Variants in PPP2R2B observed in about 807,000 individuals in gnomAD.
PPP2R2B encodes the protein serine/threonine-protein phosphatase 2A 55 kDa regulatory subunit B beta isoform.
Under a neutral mutation model 46.0 loss-of-function variants are expected in PPP2R2B, and 5 were observed. The ratio of observed to expected loss-of-function variants is 0.11; its 90% CI spans 0.06 to 0.23. The LOEUF (loss-of-function observed/expected upper bound fraction) is 0.23, where lower values mean the gene tolerates loss of function less well. Among genes scored for constraint, PPP2R2B ranks in the 10% least tolerant of loss-of-function variants. PPP2R2B has a pLI of 1.00. For synonymous variants in PPP2R2B, 215 were observed against 206.7 expected, an observed-to-expected ratio of 1.04 and a Z score of -0.34; for missense variants, 367 against 575.0, an observed-to-expected ratio of 0.64 and a Z score of 3.70.
At chr5:146,945,274 A>G (rs1053564874) in intron 1 of PPP2R2B, among the ~76,000 whole-genome samples, 4 of 152,210 alleles carry the variant, frequency 2.6e-5, no homozygotes, top group Non-Finnish European at 4.4e-5. Flanking sequence ...TCAAAATTTA[A>G]GTCCACTTTT....
At chr5:146,977,655 C>A (rs373163398) in intron 1 of PPP2R2B, among the ~76,000 whole-genome samples, 2 of 151,974 alleles carry the variant, frequency 1.3e-5, no homozygotes, top group Non-Finnish European at 2.9e-5. Flanking sequence ...GTTAGTTTGC[C>A]GAGAATGATG....
intron 2 of PPP2R2B, among the ~76,000 whole-genome samples, chr5:146,790,827 G>A (rs1325233377): frequency 6.6e-6 from 1 of 152,192 alleles, no homozygotes; most frequent in Admixed American, 6.5e-5. Context: ...TTGAAGAGAG[G>A]AGGAAGAAAG....
At chr5:146,708,719 T>C (rs1305396776) in intron 2 of PPP2R2B, among the ~76,000 whole-genome samples, 1 of 152,212 alleles carries the variant, frequency 6.6e-6, no homozygotes, top group East Asian at 1.9e-4. Context: ...ATTTTCTTAG[T>C]ACACAGAGTC....
intron 7 of PPP2R2B, among the ~76,000 whole-genome samples, chr5:146,626,647 C>T (rs1011776523): frequency 6.6e-6 from 1 of 152,122 alleles, no homozygotes; most frequent in Admixed American, 6.5e-5. Context: ...TAGCTTGTTA[C>T]AGGGCATGAC....
chr5:146,808,743 T>G (rs991121076), intron 2 of PPP2R2B, among the ~76,000 whole-genome samples: 1 of 152,164 alleles, frequency 6.6e-6, no homozygotes, highest in Non-Finnish European at 1.5e-5. Flanking sequence ...CTCTCTGAAA[T>G]AAAACAGAAT....
chr5:146,951,764 T>G (rs1414451214), intron 1 of PPP2R2B, among the ~76,000 whole-genome samples: 2 of 152,078 alleles, frequency 1.3e-5, no homozygotes, highest in African/African-American at 4.8e-5. Context: ...CTACCACTGA[T>G]GGGCATTTGG....
chr5:146,615,155 T>G (rs1176387554), intron 7 of PPP2R2B, among the ~76,000 whole-genome samples: 2 of 52,848 alleles, frequency 3.8e-5, no homozygotes, highest in Non-Finnish European at 6.2e-5. Context: ...ATATACACCA[T>G]GGAATACTAT....
At chr5:146,959,528 T>C (rs958062858) in intron 1 of PPP2R2B, among the ~76,000 whole-genome samples, 3 of 152,154 alleles carry the variant, frequency 2.0e-5, no homozygotes, top group Non-Finnish European at 4.4e-5. Flanking sequence ...CAAATATTTA[T>C]ATATGCATGC....
intron 2 of PPP2R2B, among the ~76,000 whole-genome samples, chr5:146,707,841 A>G (rs1366985632): frequency 6.6e-6 from 1 of 152,080 alleles, no homozygotes; most frequent in African/African-American, 2.4e-5. Context: ...TCTATAGACA[A>G]AAGTTTATCA....
At chr5:146,809,205 G>A (rs975701144) in intron 2 of PPP2R2B, among the ~76,000 whole-genome samples, 7 of 152,250 alleles carry the variant, frequency 4.6e-5, no homozygotes, top group Admixed American at 3.9e-4. Flanking sequence ...TGGCCGTCAG[G>A]CTTTCTGCTT....
chr5:146,790,187 T>C (rs1042002637), intron 2 of PPP2R2B, among the ~76,000 whole-genome samples: 3 of 152,250 alleles, frequency 2.0e-5, no homozygotes, highest in South Asian at 4.2e-4. Context: ...GCACAGTGGG[T>C]CACTGGTTTT....
intron 1 of PPP2R2B, among the ~76,000 whole-genome samples, chr5:146,945,739 G>A (rs1764459537): frequency 1.3e-5 from 2 of 152,164 alleles, no homozygotes; most frequent in Admixed American, 6.5e-5. Flanking sequence ...GTTTTATATT[G>A]TGTGCACATA....
At chr5:146,785,135 A>G (rs1755755253) in intron 2 of PPP2R2B, among the ~76,000 whole-genome samples, 1 of 152,220 alleles carries the variant, frequency 6.6e-6, no homozygotes, top group Non-Finnish European at 1.5e-5. Context: ...CAACCTTAAT[A>G]GTGGTTACAA....
At position 146,723,907 on chromosome 5, in the gene PPP2R2B, C is replaced by T. The variant is rs183171284; in HGVS notation, c.71-22765G>A. ...AACAAATCCACAAATCTCATTAATCCCTTTTTTCTCTGAACCTTTGACTAT... is the reference window on the plus strand; with the variant it reads ...AACAAATCCACAAATCTCATTAATCTCTTTTTTCTCTGAACCTTTGACTAT... On this transcript the variant is annotated intron_variant, in intron 2 of 9. Transcript: ENST00000394411. Among the ~76,000 whole-genome samples, 545 of 152,218 alleles carry T rather than the reference C, an allele frequency of 3.6e-3. 2 individuals are homozygous for T. Among genetic ancestry groups the T allele is most frequent in the Admixed American group, 6.9e-3 (106 of 15,292 alleles).
chr5:147,078,040 G>A (rs1757842087), intron 2 of PPP2R2B, among the ~76,000 whole-genome samples: 3 of 152,110 alleles, frequency 2.0e-5, no homozygotes, highest in Admixed American at 6.5e-5. Context: ...TTTGAAAACT[G>A]TCTCACCCAT....
intron 5 of PPP2R2B, among the ~76,000 whole-genome samples, chr5:146,687,622 TA>T (rs1298623599): frequency 1.3e-5 from 2 of 152,188 alleles, no homozygotes; most frequent in African/African-American, 4.8e-5. Flanking sequence ...GCATTATTAT[TA>T]AATTATTACC....
intron 2 of PPP2R2B, among the ~76,000 whole-genome samples, chr5:147,068,218 C>T (rs1186085691): frequency 1.3e-5 from 2 of 152,048 alleles, no homozygotes; most frequent in South Asian, 2.1e-4. Context: ...TGCTTTGTGT[C>T]GATTATTTTA....
chr5:146,663,016 A>G (rs1366512402), intron 5 of PPP2R2B, among the ~76,000 whole-genome samples: 1 of 152,194 alleles, frequency 6.6e-6, no homozygotes, highest in Admixed American at 6.5e-5. Flanking sequence ...TGAATCTTTT[A>G]ATTTTTAACC....
At chr5:146,915,334 G>A (rs896855215) in intron 1 of PPP2R2B, among the ~76,000 whole-genome samples, 1 of 151,970 alleles carries the variant, frequency 6.6e-6, no homozygotes, top group Non-Finnish European at 1.5e-5. Flanking sequence ...TGCTCACCCT[G>A]GCATTCAATG....
Sources: gnomAD v4.1 joint callset for allele counts (sites outside exome capture counted in the v4.1 genomes callset) on GRCh38, gnomAD v4.1.1 for gene constraint, MANE v1.5 for transcripts, NCBI Gene and HGNC (gene_info 2026-07-23, HGNC 2026-07-21) for gene names.